Variants in SMC1A observed in about 807,000 individuals in gnomAD.
SMC1A encodes structural maintenance of chromosomes protein 1A.
In SMC1A, 4 loss-of-function variants were observed where a neutral mutation model predicts 94.5. The observed-to-expected ratio is 0.04, with a 90% CI of 0.02 to 0.10. The LOEUF (loss-of-function observed/expected upper bound fraction) is 0.10, where lower values mean the gene tolerates loss of function less well. SMC1A is among the 10% of genes least tolerant of loss of function. The pLI is 1.00. For synonymous variants in SMC1A, 345 were observed against 347.7 expected (o/e 0.99, Z 0.09); for missense variants, 304 against 989.0 (o/e 0.31, Z 9.29).
Position 53,376,408 on chromosome X carries a change from G to T in SMC1A, c.*3695C>A. Reference sequence around the variant, plus strand: ...CCCAGACTTAATGAATGTTTTAGGGGCCGGGGCCCAGAATGCCGTACCTGT... The same window carrying T: ...CCCAGACTTAATGAATGTTTTAGGGTCCGGGGCCCAGAATGCCGTACCTGT... On this transcript the variant is annotated 3_prime_UTR_variant, in exon 25 of 25. Transcript: ENST00000322213. 1 of 111,408 alleles carries T rather than the reference G, an allele frequency of 9.0e-6. No homozygotes were observed. The highest frequency in any genetic ancestry group is 1.9e-5 in the Non-Finnish European group (1 of 53,039). The allele number at this position is 111,408 out of a possible 1,213,427, so 9.2% of individuals were successfully genotyped here.
chrX:53,384,206 A>G (rs2146583995), intron 19 of SMC1A, among the ~76,000 whole-genome samples: 1 of 110,891 alleles, frequency 9.0e-6, no homozygotes, highest in South Asian at 3.9e-4. Context: ...AATATGTTTA[A>G]GCTAAGGACT....
Position 53,396,265 on chromosome X carries a change from G to A in SMC1A, c.2824C>T (p.Leu942=), listed in dbSNP as rs139654605. The change falls in exon 18 of 25, where the codon CTG becomes TTG. Residue 942 remains leucine (L), a synonymous_variant. Coordinates refer to ENST00000322213, the MANE Select transcript of SMC1A (RefSeq NM_006306.4). ...ACKMQDIKLP[L]SKGTMDDISQ... ...ATATCATCCATGGTGCCTTTTGACA[G>A]TGGCAACTTAATGTCCTGCATCTTA... 3.7e-4 allele frequency: 453 copies of A among 1,209,196 alleles called. No homozygotes were observed. The highest frequency in any genetic ancestry group is 1.2e-3 in the Admixed American group (57 of 45,613).
chrX:53,416,665 C>A (rs2075733558), intron 1 of SMC1A, among the ~76,000 whole-genome samples: 1 of 111,043 alleles, frequency 9.0e-6, no homozygotes, highest in Non-Finnish European at 1.9e-5. Flanking sequence ...GCTGGGATTA[C>A]AGGCATGAGC....
chrX:53,409,544 T>G (rs1556890226), intron 7 of SMC1A, 41 bp from the exon 8 acceptor site: 1 of 1,081,120 alleles, frequency 9.2e-7, no homozygotes. Flanking sequence ...TGCACGAGTT[T>G]ACGCCAAGAC....
chrX:53,417,722 G>A (rs904315886), intron 1 of SMC1A, among the ~76,000 whole-genome samples: 1 of 111,457 alleles, frequency 9.0e-6, no homozygotes, highest in Non-Finnish European at 1.9e-5. Context: ...TTGATGACAT[G>A]AGGAAATTTT....
Position 53,374,702 on chromosome X carries a change from C to T in SMC1A, c.*5401G>A, listed in dbSNP as rs1172956796. Reference sequence around the variant, plus strand: ...GCTCCTATTGCTTCATGGCTTCTAGCCCATTGTTGCCTTGCTGCTTCATGG... The same window carrying T: ...GCTCCTATTGCTTCATGGCTTCTAGTCCATTGTTGCCTTGCTGCTTCATGG... On this transcript the variant is annotated 3_prime_UTR_variant, in exon 25 of 25. Transcript: ENST00000322213. 8.9e-6 allele frequency: 1 copy of T among 112,151 alleles called. No individual in the cohort carries two copies. Among genetic ancestry groups the T allele is most frequent in the Non-Finnish European group, 1.9e-5 (1 of 53,164 alleles). The allele number at this position is 112,151 out of a possible 1,213,427, so 9.2% of individuals were successfully genotyped here. A position where few individuals can be genotyped will look rare whatever the true frequency, so the allele number is the denominator to read the frequency against.
In SMC1A at chrX:53,413,445, G is replaced by A. The variant is rs149219651; in HGVS notation, c.412-10C>T. On this transcript the variant is annotated splice_polypyrimidine_tract_variant and intron_variant, in intron 3 of 24. Coordinates refer to ENST00000322213, the MANE Select transcript of SMC1A (RefSeq NM_006306.4). ...TAGATTCCACAGCACCCTAGTAAAG[G>A]TCGAAACACTCTTCCACTTCAGACC... The A allele has an allele frequency of 2.9e-3, 3,418 of 1,195,037 alleles. 68 individuals are homozygous for A. In the African/African-American group the frequency reaches 0.049, roughly 17 times the overall value.
intron 19 of SMC1A, among the ~76,000 whole-genome samples, chrX:53,384,009 G>T (rs1170278245): frequency 8.9e-6 from 1 of 111,879 alleles, no homozygotes; most frequent in African/African-American, 3.3e-5. Context: ...TCAGAGATCA[G>T]GAGATTGATA....
intron 7 of SMC1A, among the ~76,000 whole-genome samples, chrX:53,410,106 C>T (rs2075705378): frequency 9.0e-6 from 1 of 111,147 alleles, no homozygotes; most frequent in African/African-American, 3.3e-5. Context: ...GCTGTTATTA[C>T]AATATTGATA....
Position 53,409,111 on chromosome X carries a change from C to T in SMC1A, c.1496G>A (p.Arg499Gln), listed in dbSNP as rs1556890131. 3 of 1,209,808 alleles carry T rather than the reference C, an allele frequency of 2.5e-6. No individual in the cohort carries two copies. Among genetic ancestry groups the T allele is most frequent in the Non-Finnish European group, 3.4e-6 (3 of 895,279 alleles). ...GATGCTTTCCATTATCTCTGCCTTT[C>T]GCTGCTGGCGGCTGCTCTCCTGGCG... is the stretch of plus-strand genomic sequence containing the variant. ...IDRQESSRQQ[R>Q]KAEIMESIKR... Residue 499 changes from arginine (R) to glutamine (Q), a missense_variant, in exon 9 of 25, where the codon CGA becomes CAA. By Grantham distance (43) the Arg-to-Gln change is conservative (BLOSUM62 1). Transcript: ENST00000322213.
At chrX:53,399,054 A>G (rs1266608887) in intron 16 of SMC1A, among the ~76,000 whole-genome samples, 1 of 110,961 alleles carries the variant, frequency 9.0e-6, no homozygotes, top group Admixed American at 9.7e-5. Flanking sequence ...CCTGGCCAAT[A>G]TGGTGAAACC....
In SMC1A at chrX:53,378,419, T is replaced by A. The variant is rs1293461118; in HGVS notation, c.*1684A>T. On this transcript the variant is annotated 3_prime_UTR_variant, in exon 25 of 25. Transcript: ENST00000322213. ...AGCTACATTAAGTAACATGCACAGA[T>A]CTCAAAAACATCGTTAAGCAAAGAA... 8.9e-6 allele frequency: 1 copy of A among 112,650 alleles called. No individual in the cohort carries two copies. The highest frequency in any genetic ancestry group is 3.2e-5 in the African/African-American group (1 of 31,027). The allele number at this position is 112,650 out of a possible 1,213,427, so 9.3% of individuals were successfully genotyped here.
chrX:53,419,266 C>T (rs189537129), intron 1 of SMC1A, among the ~76,000 whole-genome samples: 1 of 109,552 alleles, frequency 9.1e-6, no homozygotes, highest in Non-Finnish European at 1.9e-5. Flanking sequence ...GCATCTCACG[C>T]CTGTAATCCC....
intron 19 of SMC1A, among the ~76,000 whole-genome samples, chrX:53,388,466 TC>T (rs2075613899): frequency 9.1e-6 from 1 of 109,490 alleles, no homozygotes; most frequent in Non-Finnish European, 1.9e-5. Flanking sequence ...TTTTAGGAAA[TC>T]TAAATACAGA....
intron 7 of SMC1A, among the ~76,000 whole-genome samples, chrX:53,410,598 G>A (rs913990658): frequency 2.0e-4 from 22 of 108,477 alleles, no homozygotes; most frequent in African/African-American, 3.4e-4. Flanking sequence ...TCAGGAGTTC[G>A]AGACCAGCCT....
intron 19 of SMC1A, among the ~76,000 whole-genome samples, chrX:53,389,177 C>A: frequency 9.7e-6 from 1 of 103,549 alleles, no homozygotes; most frequent in Non-Finnish European, 2.0e-5. Flanking sequence ...AGGACACAAT[C>A]AGTAAAGTAT....
chrX:53,391,012 AAAAAAAAG>A (rs2075627216), intron 19 of SMC1A, among the ~76,000 whole-genome samples: 1 of 103,367 alleles, frequency 9.7e-6, no homozygotes, highest in Non-Finnish European at 2.0e-5. Flanking sequence ...AAGAAAAAAA[AAAAAAAAG>A]AAGAAAAATG....
At chrX:53,384,470 C>T (rs1556886271) in intron 19 of SMC1A, among the ~76,000 whole-genome samples, 1 of 109,651 alleles carries the variant, frequency 9.1e-6, no homozygotes, top group Non-Finnish European at 1.9e-5. Flanking sequence ...CACCATGTTG[C>T]CCAGGTTGGC....
At chrX:53,414,063 G>A (rs1322482951) in intron 3 of SMC1A, among the ~76,000 whole-genome samples, 2 of 63,765 alleles carry the variant, frequency 3.1e-5, no homozygotes, top group African/African-American at 1.3e-4. Flanking sequence ...GGTGACAAGC[G>A]AAACTCCGTC....
Sources: gnomAD v4.1 joint callset for allele counts (sites outside exome capture counted in the v4.1 genomes callset) on GRCh38, gnomAD v4.1.1 for gene constraint, MANE v1.5 for transcripts, NCBI Gene and HGNC (gene_info 2026-07-23, HGNC 2026-07-21) for gene names.